Variants in SLC17A8 observed in about 807,000 individuals in gnomAD.
The protein encoded by SLC17A8 is solute carrier family 17 member 8.
In SLC17A8, 31 loss-of-function variants were observed where a neutral mutation model predicts 58.0. The observed-to-expected ratio is 0.53, with a 90% confidence interval of 0.40 to 0.72. SLC17A8 has a LOEUF of 0.72. Ranked by LOEUF, SLC17A8 falls within the 30% of genes least tolerant of loss-of-function variation. The pLI, the probability that SLC17A8 is intolerant of heterozygous loss-of-function variation, is 0.00. For missense variants in SLC17A8, 655 were observed against 727.8 expected, an observed-to-expected ratio of 0.90 and a Z score of 1.15; for synonymous variants, 228 against 249.0, an observed-to-expected ratio of 0.92 and a Z score of 0.79.
Position 100,379,434 on chromosome 12 carries a change from C to CAAAA in SLC17A8, c.102-1267_102-1266insAAAA, listed in dbSNP as rs142965532. ...CTGGCAACAGACCGAGATTCCGTCC[C>CAAAA]CAAAAAAAAAAAAAAAAGAACCTGC... On this transcript the variant is annotated intron_variant, in intron 1 of 11. Coordinates refer to ENST00000323346, the MANE Select transcript of SLC17A8 (RefSeq NM_139319.3). 2.6e-4 allele frequency among the ~76,000 whole-genome samples: 36 copies of CAAAA among 137,366 alleles called. 3 individuals carry two copies. The highest frequency in any genetic ancestry group is 1.6e-3 in the Admixed American group (22 of 13,582). The allele number at this position is 137,366 out of a possible 152,430, so 90.1% of individuals were successfully genotyped here.
At chr12:100,384,560 C>T (rs1952659760) in intron 2 of SLC17A8, among the ~76,000 whole-genome samples, 1 of 152,012 alleles carries the variant, frequency 6.6e-6, no homozygotes, top group African/African-American at 2.4e-5. Context: ...TGTGAGACTC[C>T]ATCTAAACAA....
intron 2 of SLC17A8, among the ~76,000 whole-genome samples, chr12:100,389,898 A>G (rs1436378441): frequency 6.6e-6 from 1 of 151,656 alleles, no homozygotes; most frequent in Non-Finnish European, 1.5e-5. Flanking sequence ...TTGGCTCACT[A>G]CAACCTCTGC....
intron 2 of SLC17A8, among the ~76,000 whole-genome samples, chr12:100,388,656 G>A (rs899163763): frequency 1.3e-5 from 2 of 152,214 alleles, no homozygotes; most frequent in Admixed American, 1.3e-4. Context: ...AGGAAGCACA[G>A]GACGAACGTT....
intron 10 of SLC17A8, among the ~76,000 whole-genome samples, chr12:100,413,156 C>T (rs1952882632): frequency 6.6e-6 from 1 of 152,118 alleles, no homozygotes; most frequent in African/African-American, 2.4e-5. Context: ...AGCAGAGGCC[C>T]AAGCATATGT....
At chr12:100,367,367 C>A (rs577509717) in intron 1 of SLC17A8, among the ~76,000 whole-genome samples, 1 of 152,004 alleles carries the variant, frequency 6.6e-6, no homozygotes. Flanking sequence ...AGTAATTCAT[C>A]GCTATGACTG....
intron 9 of SLC17A8, among the ~76,000 whole-genome samples, chr12:100,406,958 G>T (rs1183507142): frequency 1.3e-5 from 2 of 152,184 alleles, no homozygotes; most frequent in East Asian, 3.9e-4. Context: ...AAATGAGGTG[G>T]CAATGGAGAT....
Position 100,421,665 on chromosome 12 carries a change from T to TG in SLC17A8, c.*1506_*1507insG, listed in dbSNP as rs565437229. ...AGCTTATTATTGTAAAGTGTTTTTT[T>TG]TTTTTTTTTTTTTTTCTAATTTCTC... On this transcript the variant is annotated 3_prime_UTR_variant, in exon 12 of 12. Transcript: ENST00000323346. The TG allele has an allele frequency of 6.6e-4, 55 of 83,208 alleles. No individual in the cohort carries two copies. In the South Asian group the frequency reaches 0.016, roughly 24 times the overall value. The allele number at this position is 83,208 out of a possible 1,614,324, so 5.2% of individuals were successfully genotyped here. A position where few individuals can be genotyped will look rare whatever the true frequency, so the allele number is the denominator to read the frequency against.
chr12:100,387,575 A>C (rs1418651793), intron 2 of SLC17A8, among the ~76,000 whole-genome samples: 1 of 152,130 alleles, frequency 6.6e-6, no homozygotes, highest in Non-Finnish European at 1.5e-5. Context: ...GGATGTTGTG[A>C]TTGACAATTA....
At chr12:100,405,527 T>G (rs1191468366) in intron 9 of SLC17A8, among the ~76,000 whole-genome samples, 1 of 152,018 alleles carries the variant, frequency 6.6e-6, no homozygotes, top group Non-Finnish European at 1.5e-5. Flanking sequence ...GATGTGATGG[T>G]GGAGGCAAGA....
intron 10 of SLC17A8, among the ~76,000 whole-genome samples, chr12:100,416,879 C>T (rs1440871457): frequency 6.6e-6 from 1 of 152,172 alleles, no homozygotes; most frequent in African/African-American, 2.4e-5. Context: ...AAGTTTAAAT[C>T]CTTGGTCTAG....
intron 9 of SLC17A8, among the ~76,000 whole-genome samples, chr12:100,405,263 T>C (rs575440231): frequency 2.6e-4 from 40 of 152,330 alleles, no homozygotes; most frequent in Admixed American, 6.5e-5. Context: ...GCCTGCTATC[T>C]GGTGGGCAGG....
At chr12:100,390,392 G>T (rs768260885) in intron 2 of SLC17A8, among the ~76,000 whole-genome samples, 8 of 150,878 alleles carry the variant, frequency 5.3e-5, no homozygotes, top group Non-Finnish European at 1.0e-4. Flanking sequence ...TGTTGCCCAA[G>T]CTGGAATGCA....
intron 1 of SLC17A8, among the ~76,000 whole-genome samples, chr12:100,360,376 G>C (rs1952476684): frequency 6.6e-6 from 1 of 152,166 alleles, no homozygotes; most frequent in Admixed American, 6.5e-5. Context: ...GTATCTTTCA[G>C]ACACTGTAAA....
intron 1 of SLC17A8, among the ~76,000 whole-genome samples, chr12:100,377,252 A>G (rs1236935091): frequency 6.6e-6 from 1 of 152,218 alleles, no homozygotes; most frequent in African/African-American, 2.4e-5. Context: ...GTCTAGCATC[A>G]TAGACTCATT....
intron 1 of SLC17A8, among the ~76,000 whole-genome samples, chr12:100,363,030 G>A (rs975477597): frequency 2.6e-5 from 4 of 152,160 alleles, no homozygotes; most frequent in African/African-American, 9.7e-5. Context: ...ATGATGAAGC[G>A]ACAGTTCTGA....
Position 100,368,971 on chromosome 12 carries a change from G to A in SLC17A8, c.101+11479G>A, listed in dbSNP as rs555333912. On this transcript the variant is annotated intron_variant, in intron 1 of 11. Transcript: ENST00000323346. ...TCTAGCTAAAGTGGAATGAAATTTC[G>A]TAAAGAATGTTAAGAATTGGGCTGG... Among the ~76,000 whole-genome samples, 3 of 152,230 alleles carry A rather than the reference G, an allele frequency of 2.0e-5. No homozygotes were observed. In the South Asian group the frequency reaches 6.2e-4, roughly 32 times the overall value.
chr12:100,388,066 C>T (rs1952688766), intron 2 of SLC17A8, among the ~76,000 whole-genome samples: 1 of 152,194 alleles, frequency 6.6e-6, no homozygotes, highest in Non-Finnish European at 1.5e-5. Flanking sequence ...TACTGACATA[C>T]TGCTTTTCCT....
intron 1 of SLC17A8, among the ~76,000 whole-genome samples, chr12:100,377,607 T>TTTG (rs1952604058): frequency 7.2e-6 from 1 of 139,524 alleles, no homozygotes; most frequent in Non-Finnish European, 1.5e-5. Context: ...TTTTTTTTTT[T>TTTG]TGAGACGGAG....
intron 11 of SLC17A8, among the ~76,000 whole-genome samples, chr12:100,419,241 T>G (rs1254125655): frequency 1.3e-5 from 2 of 152,146 alleles, no homozygotes; most frequent in African/African-American, 4.8e-5. Context: ...GGTATTAATA[T>G]TTGTATATGT....
Sources: gnomAD v4.1 joint callset for allele counts (sites outside exome capture counted in the v4.1 genomes callset) on GRCh38, gnomAD v4.1.1 for gene constraint, MANE v1.5 for transcripts, NCBI Gene and HGNC (gene_info 2026-07-23, HGNC 2026-07-21) for gene names.